CSMD2: variants seen among roughly 807,000 people sequenced by gnomAD.
CSMD2 encodes CUB and sushi domain-containing protein 2.
A neutral mutation model predicts 398.5 loss-of-function variants in CSMD2; 130 were observed. That is an observed-to-expected ratio of 0.33 (90% CI 0.28 to 0.38). CSMD2 has a LOEUF of 0.38. Among genes scored for constraint, CSMD2 ranks in the 10% least tolerant of loss-of-function variants. CSMD2 has a pLI of 1.00. For missense variants in CSMD2, 3,829 were observed against 4,764.9 expected, an observed-to-expected ratio of 0.80 and a Z score of 5.78; for synonymous variants, 1,828 against 1,908.5, an observed-to-expected ratio of 0.96 and a Z score of 1.10.
Position 33,934,508 on chromosome 1 carries a change from G to A in CSMD2, c.712+1252C>T, listed in dbSNP as rs182703730. On this transcript the variant is annotated intron_variant, in intron 4 of 70. Coordinates refer to ENST00000373381, the MANE Select transcript of CSMD2 (RefSeq NM_001281956.2). The stretch of plus-strand genomic sequence containing the variant: ...GGCATGGGAAATCTTACAGTGTGAT[G>A]TGATTGATTGTTTTTCAAAGGTGGT... 1.3e-3 allele frequency among the ~76,000 whole-genome samples: 194 copies of A among 152,304 alleles called. 3 individuals are homozygous for A. The Middle Eastern group carries it at 0.014, about 11-fold the overall frequency.
chr1:33,570,290 C>T (rs1659475234), intron 51 of CSMD2, among the ~76,000 whole-genome samples: 3 of 151,688 alleles, frequency 2.0e-5, no homozygotes, highest in Admixed American at 2.0e-4. Context: ...GCCTCAGCCT[C>T]CCAAGTAGCT....
At position 33,739,306 on chromosome 1, in the gene CSMD2, A is replaced by G. The variant is rs757659341; in HGVS notation, c.2202T>C (p.Pro734=). 4.2e-5 allele frequency: 68 copies of G among 1,613,888 alleles called. No individual in the cohort carries two copies. Among genetic ancestry groups the G allele is most frequent in the Non-Finnish European group, 5.7e-5 (67 of 1,179,860 alleles). The part of the protein sequence containing the change: ...TTFRHNECPD[P]GVPVNGKRFG... ...ACCGTTTGCCATTTACTGGAACGCC[A>G]GGATCCGGGCACTCGTTGTGTCGGA... Residue 734 remains proline, a synonymous_variant, in exon 15 of 71, where the codon CCT becomes CCC. Coordinates refer to ENST00000373381, the MANE Select transcript of CSMD2 (RefSeq NM_001281956.2).
At chr1:33,835,714 C>CAAG (rs1660161039) in intron 6 of CSMD2, among the ~76,000 whole-genome samples, 1 of 135,162 alleles carries the variant, frequency 7.4e-6, no homozygotes, top group African/African-American at 2.8e-5. Flanking sequence ...AAATACATTT[C>CAAG]AAAAAAAAAA....
At chr1:33,670,930 TAA>T (rs930513909) in intron 25 of CSMD2, among the ~76,000 whole-genome samples, 5 of 151,888 alleles carry the variant, frequency 3.3e-5, no homozygotes, top group Non-Finnish European at 5.9e-5. Flanking sequence ...GATATCTTTA[TAA>T]GAGAAAAGAG....
intron 2 of CSMD2, among the ~76,000 whole-genome samples, chr1:34,077,232 T>C (rs2196540): frequency 0.38 from 57,238 of 149,244 alleles, 11,603 homozygotes; most frequent in African/African-American, 0.53. Context: ...CCGAGGAGGG[T>C]GGATCACAAG....
chr1:33,545,403 A>C (rs185333733), intron 57 of CSMD2, among the ~76,000 whole-genome samples: 1 of 152,188 alleles, frequency 6.6e-6, no homozygotes, highest in South Asian at 2.1e-4. Context: ...TTGGATTTGT[A>C]TATCTTTTGG....
chr1:33,736,483 A>G (rs79292738), intron 15 of CSMD2, among the ~76,000 whole-genome samples: 2 of 141,944 alleles, frequency 1.4e-5, no homozygotes, highest in African/African-American at 2.8e-5. Context: ...CGTCTCAAAG[A>G]AAAAAAAAAA....
chr1:33,758,928 G>T (rs1649415805), intron 13 of CSMD2, among the ~76,000 whole-genome samples: 1 of 152,190 alleles, frequency 6.6e-6, no homozygotes, highest in Non-Finnish European at 1.5e-5. Flanking sequence ...ATGTTATGTG[G>T]AGCCCAGGAG....
chr1:34,109,402 C>T (rs909977471), intron 1 of CSMD2, among the ~76,000 whole-genome samples: 14 of 152,196 alleles, frequency 9.2e-5, no homozygotes, highest in African/African-American at 3.1e-4. Context: ...CCTGGCTCAG[C>T]TCAGACCAGT....
intron 1 of CSMD2, among the ~76,000 whole-genome samples, chr1:34,095,582 C>T (rs922198719): frequency 6.6e-6 from 1 of 152,000 alleles, no homozygotes; most frequent in Non-Finnish European, 1.5e-5. Context: ...GGGGATATCA[C>T]CACTGATCCC....
At chr1:33,968,385 C>T (rs1025296772) in intron 3 of CSMD2, among the ~76,000 whole-genome samples, 4 of 152,192 alleles carry the variant, frequency 2.6e-5, no homozygotes, top group African/African-American at 9.7e-5. Context: ...ATTCCCATCC[C>T]CTTTGGTATG....
Position 34,163,285 on chromosome 1 carries a change from C to T in CSMD2, c.187+1626G>A, listed in dbSNP as rs570382312. ...GGGTGACCAGCAGCGTCGGTATGCA[C>T]AGCCTCCCAGTGGGTGTGGGTGTGC... On this transcript the variant is annotated intron_variant, in intron 1 of 70. Coordinates refer to ENST00000373381, the MANE Select transcript of CSMD2 (RefSeq NM_001281956.2). The surrounding 1 kb of genome is among the most constrained non-coding windows in gnomAD (Gnocchi z 5.4). Among the ~76,000 whole-genome samples the T allele has an allele frequency of 6.6e-6, 1 of 152,384 alleles. No homozygotes were observed. The highest frequency in any genetic ancestry group is 2.1e-4 in the South Asian group (1 of 4,830).
At chr1:33,706,828 GTA>G (rs985372157) in intron 22 of CSMD2, among the ~76,000 whole-genome samples, 14 of 150,170 alleles carry the variant, frequency 9.3e-5, no homozygotes, top group Non-Finnish European at 1.3e-4. Flanking sequence ...GCGTGCGTGT[GTA>G]TGTGTGTGTG....
At chr1:34,076,009 G>C (rs1030269986) in intron 2 of CSMD2, among the ~76,000 whole-genome samples, 11 of 152,236 alleles carry the variant, frequency 7.2e-5, no homozygotes, top group Admixed American at 7.2e-4. Flanking sequence ...ATTTGAAGCA[G>C]CCAGACGCTG....
At chr1:34,049,363 C>G (rs1652913426) in intron 2 of CSMD2, among the ~76,000 whole-genome samples, 1 of 152,094 alleles carries the variant, frequency 6.6e-6, no homozygotes. Flanking sequence ...GCTGCAGCTT[C>G]TAGGATTTTT....
chr1:34,129,754 C>T (rs575616876), intron 1 of CSMD2, among the ~76,000 whole-genome samples: 3 of 152,230 alleles, frequency 2.0e-5, no homozygotes, highest in South Asian at 2.1e-4. Flanking sequence ...CCAGGGCCTC[C>T]GCCGCTCTGA....
intron 9 of CSMD2, 122 bp from the exon 10 acceptor site, chr1:33,810,986 T>G: frequency 9.0e-7 from 1 of 1,113,732 alleles, no homozygotes; most frequent in East Asian, 2.8e-5. Flanking sequence ...CATAACCTTC[T>G]GCTTCCTGGG....
At chr1:33,880,596 C>T (rs1332884831) in intron 5 of CSMD2, among the ~76,000 whole-genome samples, 2 of 152,194 alleles carry the variant, frequency 1.3e-5, no homozygotes, top group African/African-American at 4.8e-5. Context: ...TTTTGGCTCT[C>T]TCTTTCTTCT....
rs551641954 is a variant in CSMD2, at chr1:33,604,764, C to T, written c.6532+518G>A. 9.9e-5 allele frequency among the ~76,000 whole-genome samples: 15 copies of T among 152,280 alleles called. No individual in the cohort carries two copies. The South Asian group carries it at 3.1e-3, about 32-fold the overall frequency. On this transcript the variant is annotated intron_variant, in intron 42 of 70. Coordinates refer to ENST00000373381, the MANE Select transcript of CSMD2 (RefSeq NM_001281956.2). Reference sequence around the variant, plus strand: ...GTAAGGAAGAAGACCCAAGAAAGTGCCACCTCCAGCTCCCTGATAGATCAA... The same window carrying T: ...GTAAGGAAGAAGACCCAAGAAAGTGTCACCTCCAGCTCCCTGATAGATCAA...
Sources: allele counts gnomAD v4.1 joint callset (sites outside exome capture counted in the v4.1 genomes callset), GRCh38; gene constraint gnomAD v4.1.1; non-coding constraint Gnocchi (gnomAD v3.1); transcripts MANE v1.5; gene names NCBI Gene and HGNC (gene_info 2026-07-23, HGNC 2026-07-21).